The following ZNF438 variants were observed in gnomAD, a reference collection of about 807,000 sequenced individuals.
The protein encoded by ZNF438 is zinc finger protein 438.
A neutral mutation model predicts 38.0 loss-of-function variants in ZNF438; 25 were observed. That is an observed-to-expected ratio of 0.66 (90% CI 0.48 to 0.92). ZNF438 has a LOEUF of 0.92. Among genes scored for constraint, ZNF438 ranks in the 40% least tolerant of loss-of-function variants. The pLI is 0.00. For missense variants in ZNF438, 1,007 were observed against 999.6 expected (o/e 1.01, Z -0.10); for synonymous variants, 372 against 364.1 (o/e 1.02, Z -0.25).
At chr10:31,009,733 T>C (rs2055484342) in intron 1 of ZNF438, among the ~76,000 whole-genome samples, 1 of 152,114 alleles carries the variant, frequency 6.6e-6, no homozygotes, top group African/African-American at 2.4e-5. Context: ...TAACACAAGA[T>C]ACCCTATTTT....
chr10:30,987,649 C>T (rs1008988587), intron 1 of ZNF438, among the ~76,000 whole-genome samples: 8 of 151,662 alleles, frequency 5.3e-5, no homozygotes, highest in African/African-American at 1.9e-4. Context: ...GAGATTAATG[C>T]TGTTATAAAA....
intron 2 of ZNF438, among the ~76,000 whole-genome samples, chr10:30,932,507 G>A (rs1238123462): frequency 6.6e-6 from 1 of 152,144 alleles, no homozygotes; most frequent in Non-Finnish European, 1.5e-5. Context: ...TTACAGGATT[G>A]TGCCACTATC....
intron 2 of ZNF438, among the ~76,000 whole-genome samples, chr10:30,926,364 C>A (rs1352789674): frequency 6.6e-6 from 1 of 152,064 alleles, no homozygotes; most frequent in Admixed American, 6.6e-5. Context: ...AAGAGATGAA[C>A]AATATTAGAA....
rs142430434 is a variant in ZNF438 at position 30,887,347 on chromosome 10, G to A, written c.-31-10282C>T. ...CCTGTGGCTTTGAATGGTATGCTGC[G>A]CCCCCTCCTCTAAGGGACTGTAAGT... is the stretch of plus-strand genomic sequence containing the variant. On this transcript the variant is annotated intron_variant, in intron 3 of 5. Coordinates refer to ENST00000413025, the Ensembl canonical transcript of ZNF438. Among the ~76,000 whole-genome samples the A allele has an allele frequency of 3.6e-3, 546 of 152,130 alleles. 4 individuals are homozygous for A. Among genetic ancestry groups the A allele is most frequent in the Middle Eastern group, 0.02 (6 of 294 alleles).
intron 1 of ZNF438, among the ~76,000 whole-genome samples, chr10:30,978,523 A>G (rs1046011338): frequency 1.3e-5 from 2 of 152,140 alleles, no homozygotes; most frequent in Non-Finnish European, 2.9e-5. Flanking sequence ...GTGGGTTTGG[A>G]CAAATTTATA....
chr10:31,007,708 C>A (rs925375439), intron 1 of ZNF438, among the ~76,000 whole-genome samples: 1 of 151,946 alleles, frequency 6.6e-6, no homozygotes, highest in African/African-American at 2.4e-5. Context: ...TATAAAGTAC[C>A]TAACAGAGAG....
At chr10:30,966,352 T>G (rs2050111259) in intron 1 of ZNF438, among the ~76,000 whole-genome samples, 1 of 151,780 alleles carries the variant, frequency 6.6e-6, no homozygotes. Context: ...AAAATGATTT[T>G]AAATAGGCAA....
At chr10:30,963,392 CAAAAA>C (rs753557823) in intron 1 of ZNF438, among the ~76,000 whole-genome samples, 11 of 86,028 alleles carry the variant, frequency 1.3e-4, no homozygotes, top group Non-Finnish European at 2.1e-4. Context: ...AACTCCATCT[CAAAAA>C]AAAAAAAAAA....
chr10:30,903,010 G>T (rs116894683), intron 3 of ZNF438, among the ~76,000 whole-genome samples: 18 of 147,568 alleles, frequency 1.2e-4, no homozygotes, highest in Middle Eastern at 7.0e-3. Flanking sequence ...CTGGGGGACC[G>T]GATGCACCCT....
chr10:31,011,613 T>G (rs967229943), intron 1 of ZNF438, among the ~76,000 whole-genome samples: 7 of 151,962 alleles, frequency 4.6e-5, no homozygotes, highest in Admixed American at 3.9e-4. Context: ...GAAAAGAACG[T>G]CTATTGTGGA....
chr10:30,942,412 T>C (rs1372781940), intron 1 of ZNF438, among the ~76,000 whole-genome samples: 1 of 152,230 alleles, frequency 6.6e-6, no homozygotes, highest in African/African-American at 2.4e-5. Flanking sequence ...TGAGATCTAT[T>C]TTGTTACTAC....
chr10:30,861,806 G>A (rs1169290250), intron 4 of ZNF438, among the ~76,000 whole-genome samples: 21 of 151,986 alleles, frequency 1.4e-4, no homozygotes, highest in Admixed American at 1.4e-3. Flanking sequence ...TTATTTTTTG[G>A]CAAAAATAAT....
intron 1 of ZNF438, among the ~76,000 whole-genome samples, chr10:31,027,101 G>A (rs2056993796): frequency 6.7e-6 from 1 of 149,728 alleles, no homozygotes; most frequent in African/African-American, 2.5e-5. Context: ...GTGGGGTCGG[G>A]GGAGGGGGAA....
intron 2 of ZNF438, among the ~76,000 whole-genome samples, chr10:30,931,405 T>G (rs904733688): frequency 6.6e-6 from 1 of 152,240 alleles, no homozygotes; most frequent in African/African-American, 2.4e-5. Flanking sequence ...GAGCTGGCTT[T>G]CTTTCATTTG....
At chr10:31,003,908 T>TG (rs1156651490) in intron 1 of ZNF438, among the ~76,000 whole-genome samples, 1 of 152,050 alleles carries the variant, frequency 6.6e-6, no homozygotes, top group Non-Finnish European at 1.5e-5. Context: ...TCTGAAAATC[T>TG]GGGGGGAGAG....
chr10:31,022,535 A>G (rs2056671188), intron 1 of ZNF438, among the ~76,000 whole-genome samples: 1 of 152,176 alleles, frequency 6.6e-6, no homozygotes, highest in Admixed American at 6.5e-5. Context: ...TGCTGGGATT[A>G]CAGGCGTGAG....
rs561639882 is a variant in ZNF438 at position 30,895,333 on chromosome 10, A to C, written c.-32+13600T>G. ...GCATGATGGTGCTAGCCAAGAGTTC[A>C]CTTTCAGGAGTAGTCATCTTTGTCT... On this transcript the variant is annotated intron_variant, in intron 3 of 5. Coordinates refer to ENST00000413025, the Ensembl canonical transcript of ZNF438. Among the ~76,000 whole-genome samples the C allele has an allele frequency of 2.0e-5, 3 of 152,338 alleles. No homozygotes were observed. In the East Asian group the frequency reaches 5.8e-4, roughly 29 times the overall value.
intron 2 of ZNF438, among the ~76,000 whole-genome samples, chr10:30,926,753 GA>G (rs1311699978): frequency 6.6e-6 from 1 of 152,086 alleles, no homozygotes; most frequent in African/African-American, 2.4e-5. Context: ...TTTGAGGGCA[GA>G]AATGAATGGA....
chr10:30,937,800 T>A (rs2135441698), intron 2 of ZNF438, among the ~76,000 whole-genome samples: 1 of 152,348 alleles, frequency 6.6e-6, no homozygotes, highest in Non-Finnish European at 1.5e-5. Flanking sequence ...TCTCTTCCAT[T>A]CACATGTAGC....
Sources: gnomAD v4.1 joint callset for allele counts (sites outside exome capture counted in the v4.1 genomes callset) on GRCh38, gnomAD v4.1.1 for gene constraint, MANE v1.5 for transcripts, NCBI Gene and HGNC (gene_info 2026-07-23, HGNC 2026-07-21) for gene names.